The following CXCL12 variants were observed in gnomAD, a reference collection of about 807,000 sequenced individuals.
CXCL12 encodes the protein stromal cell-derived factor 1.
In CXCL12, 4 loss-of-function variants were observed where a neutral mutation model predicts 10.7. The ratio of observed to expected loss-of-function variants is 0.37; its 90% confidence interval spans 0.18 to 0.86. CXCL12 has a LOEUF of 0.86. CXCL12 is among the 40% of genes least tolerant of loss of function. The probability of loss-of-function intolerance (pLI) is 0.43; values close to 1 mark genes in which losing one functional copy is unlikely to be tolerated. For synonymous variants in CXCL12, 54 were observed against 45.4 expected (o/e 1.19, Z -0.77); for missense variants, 122 against 110.4 (o/e 1.10, Z -0.47).
chr10:44,377,744 G>A lies in CXCL12; in HGVS notation c.*889C>T. 6.3e-7 allele frequency: 1 copy of A among 1,598,370 alleles called. No individual in the cohort carries two copies. The highest frequency in any genetic ancestry group is 8.5e-7 in the Non-Finnish European group (1 of 1,179,800). On this transcript the variant is annotated 3_prime_UTR_variant, in exon 3 of 3. Coordinates refer to ENST00000343575, the MANE Select transcript of CXCL12 (RefSeq NM_199168.4). ...CTTGTCTTTTGCGGGTAAGCAGGGG[G>A]ACCATTACACATCCCCAGGAGAGGG...
chr10:44,375,416 C>T (rs1272537166), downstream of CXCL12, among the ~76,000 whole-genome samples: 1 of 152,220 alleles, frequency 6.6e-6, no homozygotes, highest in Non-Finnish European at 1.5e-5. Flanking sequence ...TCCTAAGGGT[C>T]AGTCAGTTTT....
At chr10:44,375,545 G>C (rs1251103743), downstream of CXCL12, among the ~76,000 whole-genome samples, 1 of 152,248 alleles carries the variant, frequency 6.6e-6, no homozygotes. Context: ...CAGGAATGCA[G>C]ACTGCAAGTG....
At chr10:44,380,664 C>T in intron 2 of CXCL12, 99 bp downstream of exon 2, 5 of 1,048,480 alleles carry the variant, frequency 4.8e-6, no homozygotes, top group South Asian at 1.3e-5. Flanking sequence ...GGACACTTGG[C>T]TTGTCACCTC....
In CXCL12 at chr10:44,377,470, G is replaced by A. The variant is rs17883573; in HGVS notation, c.*1163C>T. ...GTTACAAATACCACCAGGACCTTCT[G>A]TGGATCGCATTTATGCATGGAAATG... On this transcript the variant is annotated 3_prime_UTR_variant, in exon 3 of 3. Coordinates refer to ENST00000343575, the MANE Select transcript of CXCL12 (RefSeq NM_199168.4). 2.3e-5 allele frequency: 29 copies of A among 1,282,448 alleles called. No individual in the cohort carries two copies. The highest frequency in any genetic ancestry group is 2.4e-5 in the Non-Finnish European group (24 of 1,015,620). The allele number at this position is 1,282,448 out of a possible 1,614,324, so 79.4% of individuals were successfully genotyped here. A position where few individuals can be genotyped will look rare whatever the true frequency, so the allele number is the denominator to read the frequency against.
intron 1 of CXCL12, among the ~76,000 whole-genome samples, chr10:44,383,762 T>A (rs528008936): frequency 6.6e-6 from 1 of 152,140 alleles, no homozygotes; most frequent in South Asian, 2.1e-4. Context: ...TCAGCTGCGC[T>A]GGTCCTGCTC....
At chr10:44,384,112 T>C (rs1044109099) in intron 1 of CXCL12, among the ~76,000 whole-genome samples, 1 of 152,142 alleles carries the variant, frequency 6.6e-6, no homozygotes, top group African/African-American at 2.4e-5. Flanking sequence ...AGATTGAACT[T>C]TGCTGCAGCT....
downstream of CXCL12, chr10:44,374,623 G>A (rs1480365414): frequency 2.2e-6 from 1 of 456,108 alleles, no homozygotes; most frequent in Non-Finnish European, 4.4e-6. Flanking sequence ...ACGAGGAGAA[G>A]GCATGGCTGT....
chr10:44,373,784 A>G (rs1313091921), downstream of CXCL12, among the ~76,000 whole-genome samples: 1 of 152,156 alleles, frequency 6.6e-6, no homozygotes, highest in Non-Finnish European at 1.5e-5. Flanking sequence ...CCTCTCAGCC[A>G]GGGGCCATGC....
intron 2 of CXCL12, 123 bp downstream of exon 2, chr10:44,380,640 C>A: frequency 1.2e-6 from 1 of 830,216 alleles, no homozygotes; most frequent in South Asian, 1.5e-5. Flanking sequence ...ACTAATTATG[C>A]CAAGTTCAAG....
Position 44,379,337 on chromosome 10 carries a change from G to GT in CXCL12, c.180-615dup, listed in dbSNP as rs148551172. 9.8e-3 allele frequency among the ~76,000 whole-genome samples: 1,487 copies of GT among 152,278 alleles called. 52 individuals are homozygous for GT. The East Asian group carries it at 0.12, about 12-fold the overall frequency. Reference sequence around the variant, plus strand: ...AATAGTTTCTAGAAAGATTTTACAAGTTCACTGAATGTTTCTTGGTCTCAT... The same window carrying GT: ...AATAGTTTCTAGAAAGATTTTACAAGTTTCACTGAATGTTTCTTGGTCTCAT... On this transcript the variant is annotated intron_variant, in intron 2 of 2. Transcript: ENST00000343575.
intron 1 of CXCL12, among the ~76,000 whole-genome samples, chr10:44,383,611 G>C (rs1033742688): frequency 3.9e-5 from 3 of 76,800 alleles, no homozygotes; most frequent in Admixed American, 3.6e-4. Flanking sequence ...ATGACTTGCG[G>C]GGGGGGGGGG....
chr10:44,372,720 G>A (rs564809011), downstream of CXCL12: 97 of 1,427,012 alleles, frequency 6.8e-5, no homozygotes, highest in Middle Eastern at 7.8e-4. Context: ...GGAGGTGCTC[G>A]GGATGAGGGC....
exon 4 of CXCL12, chr10:44,370,464 G>A (rs1200722443): frequency 6.6e-6 from 1 of 152,450 alleles, no homozygotes; most frequent in Non-Finnish European, 1.5e-5. Flanking sequence ...TTTATCAGTG[G>A]TCTGCTTAGG....
chr10:44,373,511 G>A (rs1020253951), downstream of CXCL12, among the ~76,000 whole-genome samples: 5 of 152,248 alleles, frequency 3.3e-5, no homozygotes, highest in Admixed American at 2.0e-4. Context: ...CAGACGGGAG[G>A]GGAGTGCGAG....
At chr10:44,373,384 C>T (rs779593158), downstream of CXCL12, 12 of 1,550,380 alleles carry the variant, frequency 7.7e-6, no homozygotes, top group Admixed American at 1.2e-4. Flanking sequence ...AAGGCAGGTT[C>T]CCCCCACACC....
At position 44,378,529 on chromosome 10, in the gene CXCL12, T is replaced by C; in HGVS notation, c.*104A>G. The C allele has an allele frequency of 1.3e-6, 2 of 1,574,056 alleles. No individual in the cohort carries two copies. Among genetic ancestry groups the C allele is most frequent in the Admixed American group, 3.7e-5 (2 of 54,396 alleles). On this transcript the variant is annotated 3_prime_UTR_variant, in exon 3 of 3. Transcript: ENST00000343575. ...CCCACCCCACACACACACCTGGTCCTCATGGTTAAGGCCCCCTCCCCCACG... is the reference window on the plus strand; with the variant it reads ...CCCACCCCACACACACACCTGGTCCCCATGGTTAAGGCCCCCTCCCCCACG...
intron 1 of CXCL12, among the ~76,000 whole-genome samples, chr10:44,383,114 G>T (rs1481100825): frequency 6.6e-6 from 1 of 152,212 alleles, no homozygotes; most frequent in East Asian, 1.9e-4. Flanking sequence ...GCTGCCTGAC[G>T]GAAGTCAGCC....
downstream of CXCL12, chr10:44,371,781 ATTTT>A (rs970716687): frequency 6.6e-6 from 1 of 152,490 alleles, no homozygotes; most frequent in African/African-American, 2.4e-5. Context: ...CTTCATTAAA[ATTTT>A]TTTTAACTGG....
downstream of CXCL12, among the ~76,000 whole-genome samples, chr10:44,375,313 C>T (rs1348789880): frequency 6.6e-6 from 1 of 152,230 alleles, no homozygotes; most frequent in African/African-American, 2.4e-5. Flanking sequence ...GCCACTCCCA[C>T]AACCCAGGAA....
Sources: allele counts gnomAD v4.1 joint callset (sites outside exome capture counted in the v4.1 genomes callset), GRCh38; gene constraint gnomAD v4.1.1; transcripts MANE v1.5; gene names NCBI Gene and HGNC (gene_info 2026-07-23, HGNC 2026-07-21).